The following FGFRL1 variants were observed in gnomAD, a reference collection of about 807,000 sequenced individuals.
FGFRL1 encodes the protein fibroblast growth factor receptor-like 1.
In FGFRL1, 24 loss-of-function variants were observed where a neutral mutation model predicts 36.8. The ratio of observed to expected loss-of-function variants is 0.65; its 90% CI spans 0.47 to 0.92. The LOEUF (loss-of-function observed/expected upper bound fraction) is 0.92. Ranked by LOEUF, FGFRL1 falls within the 40% of genes least tolerant of loss-of-function variation. FGFRL1 has a pLI of 0.00. For missense variants in FGFRL1, 785 were observed against 753.4 expected, an observed-to-expected ratio of 1.04 and a Z score of -0.49; for synonymous variants, 422 against 344.1, an observed-to-expected ratio of 1.23 and a Z score of -2.50.
intron 2 of FGFRL1, among the ~76,000 whole-genome samples, chr4:1,015,772 A>C (rs1715855897): frequency 6.6e-6 from 1 of 152,188 alleles, no homozygotes; most frequent in Non-Finnish European, 1.5e-5. Context: ...TGGGCTTCTA[A>C]GACTGAGCCC....
rs868506112 is a variant in FGFRL1, at chr4:1,012,520, C to T, written c.35C>T (p.Pro12Leu). Residue 12 changes from proline (P) to leucine (L), a missense_variant, in exon 2 of 7, where the codon CCG becomes CTG. Pro to Leu is a moderately conservative substitution (Grantham distance 98). Coordinates refer to ENST00000510644, the MANE Select transcript of FGFRL1 (RefSeq NM_001004356.3). ...TPSPLLLLLLPPLLLGAFPPA... is the reference protein window; with the variant it reads ...TPSPLLLLLLLPLLLGAFPPA... ...AGCCCCCTGTTGCTGCTCCTGCTGC[C>T]GCCGCTGCTGCTGGGGGCCTTCCCG... The T allele has an allele frequency of 2.6e-6, 4 of 1,548,934 alleles. No individual in the cohort carries two copies. The highest frequency in any genetic ancestry group is 1.9e-5 in the Admixed American group (1 of 54,038).
At chr4:1,024,180 G>A in intron 5 of FGFRL1, 79 bp downstream of exon 5, 1 of 1,114,890 alleles carries the variant, frequency 9.0e-7, no homozygotes. Flanking sequence ...CTGGTGGGCG[G>A]GGGCGCTGGT....
chr4:1,025,033 G>T lies in FGFRL1; in HGVS notation c.1201G>T (p.Ala401Ser). ...LGTLLLWLCQ[A>S]QKKPCTPAPA... is the part of the protein sequence containing the mutation. ...CACCCTGCTCCTGTGGCTTTGCCAG[G>T]CCCAGAAGAAGCCGTGCACCCCCGC... The change falls in exon 7 of 7, where the codon GCC becomes TCC. Residue 401 changes from alanine (A) to serine (S), a missense_variant. Ala to Ser is a moderately conservative substitution (Grantham distance 99). Coordinates refer to ENST00000510644, the MANE Select transcript of FGFRL1 (RefSeq NM_001004356.3). 1 of 1,610,920 alleles carries T rather than the reference G, an allele frequency of 6.2e-7. No individual in the cohort carries two copies.
intron 3 of FGFRL1, 122 bp downstream of exon 3, chr4:1,022,597 C>A: frequency 8.0e-7 from 1 of 1,246,418 alleles, no homozygotes; most frequent in Non-Finnish European, 1.1e-6. Context: ...GAAAGCCTTC[C>A]TTCGGTGCCC....
At position 1,018,379 on chromosome 4, in the gene FGFRL1, T is replaced by C. The variant is rs114441118; in HGVS notation, c.80-3824T>C. ...GGGGTGGGGGGGGCGGCGGGAGGATTTGGAGGCATCCGCCTTCTTGGCGCA... is the reference window on the plus strand; with the variant it reads ...GGGGTGGGGGGGGCGGCGGGAGGATCTGGAGGCATCCGCCTTCTTGGCGCA... On this transcript the variant is annotated intron_variant, in intron 2 of 6. Coordinates refer to ENST00000510644, the MANE Select transcript of FGFRL1 (RefSeq NM_001004356.3). 3.3e-3 allele frequency among the ~76,000 whole-genome samples: 500 copies of C among 152,266 alleles called. 3 individuals are homozygous for C. Among genetic ancestry groups the C allele is most frequent in the African/African-American group, 0.011 (474 of 41,556 alleles).
upstream of FGFRL1, chr4:1,010,988 A>T (rs1428776586): frequency 6.6e-6 from 1 of 152,184 alleles, no homozygotes; most frequent in Non-Finnish European, 1.5e-5. Flanking sequence ...AGGTAACCCG[A>T]ACGCCCCGGG....
chr4:1,024,076 C>T lies in FGFRL1; in HGVS notation c.693C>T (p.Asn231=), dbSNP rs773991255. Residue 231 remains asparagine (N), a synonymous_variant, in exon 5 of 7, where the codon AAC becomes AAT. Coordinates refer to ENST00000510644, the MANE Select transcript of FGFRL1 (RefSeq NM_001004356.3). ...CRVSNRAGAI[N]ATYKVDVIQR... ...TGTCGAACCGCGCGGGCGCCATCAA[C>T]GCCACCTACAAGGTGGATGTGATCC... The T allele has an allele frequency of 9.4e-6, 15 of 1,597,880 alleles. No homozygotes were observed. The highest frequency in any genetic ancestry group is 2.7e-5 in the African/African-American group (2 of 74,488).
intron 2 of FGFRL1, among the ~76,000 whole-genome samples, chr4:1,012,828 A>G (rs1252570392): frequency 1.3e-5 from 2 of 152,218 alleles, no homozygotes; most frequent in Non-Finnish European, 2.9e-5. Context: ...TCCCCAGGAC[A>G]TGCTCCTGGT....
Position 1,026,444 on chromosome 4 carries a change from GTCCCCGCCTCCA to G in FGFRL1, c.*1108_*1119del, listed in dbSNP as rs4647941. On this transcript the variant is annotated 3_prime_UTR_variant, in exon 7 of 7. Transcript: ENST00000510644. ...TCTGCCCGCCTCTGTCCCCGCCTCA[GTCCCCGCCTCCA>G]TCCCCGCCTCTGTCCCCTGGCCTTG... is the stretch of plus-strand genomic sequence containing the variant. 175 of 163,282 alleles carry G rather than the reference GTCCCCGCCTCCA, an allele frequency of 1.1e-3. No individual in the cohort carries two copies. Among genetic ancestry groups the G allele is most frequent in the Non-Finnish European group, 1.9e-3 (141 of 75,576 alleles). 10.1% of individuals were successfully genotyped at this position (163,282 alleles called of 1,614,324 possible). A position where few individuals can be genotyped will look rare whatever the true frequency, so the allele number is the denominator to read the frequency against.
chr4:1,014,053 C>T (rs548386138), intron 2 of FGFRL1, among the ~76,000 whole-genome samples: 1 of 152,218 alleles, frequency 6.6e-6, no homozygotes, highest in Admixed American at 6.5e-5. Flanking sequence ...TGGACTAGGG[C>T]GCGAGGTCCA....
Position 1,026,661 on chromosome 4 carries a change from ATAATAT to A in FGFRL1, c.*1320_*1325del, listed in dbSNP as rs1177939114. Reference sequence around the variant, plus strand: ...TGGTATTTATATTTAAGAAATGAAGATAATATTAATAATGATGGAAGGAAGACTGGG... The same window carrying A: ...TGGTATTTATATTTAAGAAATGAAGATAATAATGATGGAAGGAAGACTGGG... On this transcript the variant is annotated 3_prime_UTR_variant, in exon 7 of 7. Coordinates refer to ENST00000510644, the MANE Select transcript of FGFRL1 (RefSeq NM_001004356.3). 2.0e-5 allele frequency: 6 copies of A among 301,702 alleles called. No individual in the cohort carries two copies. Among genetic ancestry groups the A allele is most frequent in the African/African-American group, 4.5e-5 (2 of 44,834 alleles). The allele number at this position is 301,702 out of a possible 1,614,324, so 18.7% of individuals were successfully genotyped here.
At chr4:1,019,174 G>C (rs1243057772) in intron 2 of FGFRL1, among the ~76,000 whole-genome samples, 2 of 152,262 alleles carry the variant, frequency 1.3e-5, no homozygotes, top group Non-Finnish European at 2.9e-5. Context: ...CCTGGGGCAG[G>C]GTGGGGGCTG....
At chr4:1,013,341 A>T (rs1293094342) in intron 2 of FGFRL1, among the ~76,000 whole-genome samples, 1 of 152,186 alleles carries the variant, frequency 6.6e-6, no homozygotes, top group African/African-American at 2.4e-5. Context: ...GCTAGGCGGG[A>T]CCTGTGGCCA....
At position 1,023,588 on chromosome 4, in the gene FGFRL1, C is replaced by T; in HGVS notation, c.353-53C>T. 4 of 1,509,514 alleles carry T rather than the reference C, an allele frequency of 2.6e-6. No homozygotes were observed. The highest frequency in any genetic ancestry group is 3.6e-6 in the Non-Finnish European group (4 of 1,110,626). The allele number at this position is 1,509,514 out of a possible 1,614,324, so 93.5% of individuals were successfully genotyped here. A position where few individuals can be genotyped will look rare whatever the true frequency, so the allele number is the denominator to read the frequency against. On this transcript the variant is annotated intron_variant, in intron 3 of 6. Transcript: ENST00000510644. This position sits in a 1 kb window ranked among gnomAD's most constrained non-coding sequence, Gnocchi z 6.0. ...AGAGGCCACGGGGGAGTTGGGGGAG[C>T]TCCTCAGGGCCCCCCTCACCTGCCC...
chr4:1,015,487 G>T (rs753832906), intron 2 of FGFRL1, among the ~76,000 whole-genome samples: 2 of 152,222 alleles, frequency 1.3e-5, no homozygotes, highest in Non-Finnish European at 2.9e-5. Flanking sequence ...GGGGATGGGA[G>T]AGGAGGGGCT....
At position 1,025,055 on chromosome 4, in the gene FGFRL1, C is replaced by A; in HGVS notation, c.1223C>A (p.Pro408His). 1.2e-6 allele frequency: 2 copies of A among 1,609,724 alleles called. No individual in the cohort carries two copies. Among genetic ancestry groups the A allele is most frequent in the Non-Finnish European group, 1.7e-6 (2 of 1,178,590 alleles). ...CAGGCCCAGAAGAAGCCGTGCACCC[C>A]CGCGCCTGCCCCTCCCCTGCCTGGG... is the stretch of plus-strand genomic sequence containing the variant. ...LCQAQKKPCT[P>H]APAPPLPGHR... Residue 408 changes from proline to histidine, a missense_variant, in exon 7 of 7, where the codon CCC (proline) becomes CAC (histidine). Transcript: ENST00000510644.
At chr4:1,010,251 G>A (rs1454571841), upstream of FGFRL1, 1 of 152,238 alleles carries the variant, frequency 6.6e-6, no homozygotes, top group Non-Finnish European at 1.5e-5. Flanking sequence ...AGGACCACGC[G>A]GCGGTCCCTG....
intron 2 of FGFRL1, among the ~76,000 whole-genome samples, chr4:1,017,325 C>T (rs1470928237): frequency 3.3e-5 from 5 of 152,184 alleles, no homozygotes; most frequent in Non-Finnish European, 5.9e-5. Context: ...CATGCGGGAA[C>T]TTGGGTAGCC....
intron 2 of FGFRL1, among the ~76,000 whole-genome samples, chr4:1,018,201 C>T (rs1577561315): frequency 2.0e-5 from 3 of 152,180 alleles, no homozygotes; most frequent in Admixed American, 1.3e-4. Context: ...GCCTGCCCAC[C>T]TCCACCCTCC....
Sources: gnomAD v4.1 joint callset for allele counts (sites outside exome capture counted in the v4.1 genomes callset) on GRCh38, gnomAD v4.1.1 for gene constraint, Gnocchi (gnomAD v3.1) non-coding constraint, MANE v1.5 for transcripts, NCBI Gene and HGNC (gene_info 2026-07-23, HGNC 2026-07-21) for gene names.